Variants in MAF observed in about 807,000 individuals in gnomAD.
MAF encodes transcription factor Maf.
MAF carries 10 observed loss-of-function variants against 22.0 expected under a neutral mutation model. That is an observed-to-expected ratio of 0.45 (90% CI 0.28 to 0.77). The LOEUF is 0.77. Ranked by LOEUF, MAF falls within the 30% of genes least tolerant of loss-of-function variation. MAF has a pLI of 0.12. For missense variants in MAF, 544 were observed against 548.4 expected (o/e 0.99, Z 0.08); for synonymous variants, 337 against 255.8 (o/e 1.32, Z -3.03).
the MAF span, among the ~76,000 whole-genome samples, chr16:79,531,038 TA>T: frequency 6.6e-6 from 1 of 152,214 alleles, no homozygotes; most frequent in African/African-American, 2.4e-5. Context: ...CCCCAAGCTC[TA>T]ATTTCCTAAA....
chr16:79,481,548 C>T, the MAF span, among the ~76,000 whole-genome samples: 1 of 152,034 alleles, frequency 6.6e-6, no homozygotes, highest in Non-Finnish European at 1.5e-5. Flanking sequence ...CACCCATTGA[C>T]TACCTTTTAA....
the MAF span, among the ~76,000 whole-genome samples, chr16:79,577,622 C>A: frequency 6.6e-6 from 1 of 152,136 alleles, no homozygotes; most frequent in African/African-American, 2.4e-5. Flanking sequence ...TTCTGCTCCA[C>A]GGAAGTTGTC....
the MAF span, among the ~76,000 whole-genome samples, chr16:79,412,295 T>A: frequency 6.6e-6 from 1 of 152,156 alleles, no homozygotes. Flanking sequence ...GAGGGTATGA[T>A]TACCGTGGTA....
chr16:79,456,049 C>A, the MAF span, among the ~76,000 whole-genome samples: 4 of 152,086 alleles, frequency 2.6e-5, no homozygotes, highest in African/African-American at 9.7e-5. Flanking sequence ...TAAATAAAAA[C>A]AAATTAATGT....
chr16:79,300,801 TCA>T, the MAF span, among the ~76,000 whole-genome samples: 1 of 152,126 alleles, frequency 6.6e-6, no homozygotes, highest in South Asian at 2.1e-4. Flanking sequence ...TGATTTGTGT[TCA>T]GTTTTTTTAT....
intron 1 of MAF, chr16:79,598,202 G>C: frequency 9.5e-7 from 1 of 1,054,190 alleles, no homozygotes; most frequent in South Asian, 4.6e-5. Flanking sequence ...GATGGGTTGA[G>C]AAGGAGTGAG....
chr16:79,276,231 T>C, the MAF span, among the ~76,000 whole-genome samples: 2 of 152,176 alleles, frequency 1.3e-5, no homozygotes, highest in Admixed American at 1.3e-4. Context: ...CTGCAAGTCC[T>C]ATCTGAACAG....
At chr16:79,462,384 T>C in the MAF span, among the ~76,000 whole-genome samples, 1 of 152,190 alleles carries the variant, frequency 6.6e-6, no homozygotes, top group Non-Finnish European at 1.5e-5. Context: ...AGGTCCAATC[T>C]GCCTGCAGAC....
the MAF span, chr16:79,212,102 T>TTC: frequency 2.6e-6 from 4 of 1,535,790 alleles, no homozygotes; most frequent in Non-Finnish European, 3.5e-6. Flanking sequence ...GCACCAGCAA[T>TTC]TCTCTTTCTT....
chr16:79,312,839 C>G, the MAF span, among the ~76,000 whole-genome samples: 1 of 152,102 alleles, frequency 6.6e-6, no homozygotes, highest in Admixed American at 6.5e-5. Context: ...ATAAGACAGG[C>G]ACCTTTGCAA....
chr16:79,424,874 T>G, the MAF span, among the ~76,000 whole-genome samples: 4 of 152,182 alleles, frequency 2.6e-5, no homozygotes, highest in African/African-American at 9.7e-5. Flanking sequence ...AGTCCCAATA[T>G]CTACATATTT....
chr16:79,405,138 G>A, the MAF span, among the ~76,000 whole-genome samples: 18,264 of 152,134 alleles, frequency 0.12, 1,185 homozygotes, highest in South Asian at 0.25. Context: ...GTAAATCCAT[G>A]TCATCTAGGA....
chr16:79,288,858 T>A, the MAF span, among the ~76,000 whole-genome samples: 2 of 152,182 alleles, frequency 1.3e-5, no homozygotes, highest in Non-Finnish European at 2.9e-5. Context: ...GCCTCCTGAG[T>A]AGCTGGGATC....
At chr16:79,308,888 C>T in the MAF span, among the ~76,000 whole-genome samples, 25 of 152,198 alleles carry the variant, frequency 1.6e-4, no homozygotes, top group South Asian at 1.0e-3. Context: ...ATCTGGGAGA[C>T]GGGAGAATAT....
the MAF span, chr16:79,211,591 TC>T: frequency 1.9e-6 from 3 of 1,614,102 alleles, no homozygotes; most frequent in East Asian, 6.7e-5. Flanking sequence ...TTTTTGTCTT[TC>T]TTCTTGGATT....
At chr16:79,263,573 T>C in the MAF span, among the ~76,000 whole-genome samples, 1 of 152,354 alleles carries the variant, frequency 6.6e-6, no homozygotes, top group Admixed American at 6.5e-5. Flanking sequence ...CAGGATTCTC[T>C]TTCCTCTTCT....
downstream of MAF, among the ~76,000 whole-genome samples, chr16:79,583,997 AG>A (rs1193634003): frequency 5.3e-5 from 8 of 152,174 alleles, no homozygotes; most frequent in Admixed American, 3.3e-4. Flanking sequence ...AATGTTAGTC[AG>A]GATCAAGGGA....
At chr16:79,399,592 T>C in the MAF span, among the ~76,000 whole-genome samples, 2 of 152,146 alleles carry the variant, frequency 1.3e-5, no homozygotes, top group South Asian at 4.1e-4. Flanking sequence ...CAGGGGCTTG[T>C]CACTGATACG....
At chr16:79,340,514 G>A in the MAF span, among the ~76,000 whole-genome samples, 8 of 151,614 alleles carry the variant, frequency 5.3e-5, no homozygotes, top group South Asian at 1.7e-3. Flanking sequence ...TTCTAGCAGG[G>A]ACAGAAAAAC....
Sources: allele counts gnomAD v4.1 joint callset (sites outside exome capture counted in the v4.1 genomes callset), GRCh38; gene constraint gnomAD v4.1.1; transcripts MANE v1.5; gene names NCBI Gene and HGNC (gene_info 2026-07-23, HGNC 2026-07-21).